AGPS: variants seen among roughly 807,000 people sequenced by gnomAD.
AGPS encodes the protein alkyldihydroxyacetonephosphate synthase, peroxisomal.
Under a neutral mutation model 90.7 loss-of-function variants are expected in AGPS, and 26 were observed. That is an observed-to-expected ratio of 0.29 (90% CI 0.21 to 0.40). The LOEUF (loss-of-function observed/expected upper bound fraction) is 0.40. Ranked by LOEUF, AGPS falls within the 10% of genes least tolerant of loss-of-function variation. AGPS has a pLI of 1.00. For missense variants in AGPS, 540 were observed against 816.1 expected (o/e 0.66, Z 4.12); for synonymous variants, 294 against 285.3 (o/e 1.03, Z -0.31).
chr2:177,518,879 C>T (rs750215915), intron 17 of AGPS, among the ~76,000 whole-genome samples: 13 of 151,858 alleles, frequency 8.6e-5, no homozygotes, highest in Non-Finnish European at 1.5e-4. Context: ...AGAAAATGGG[C>T]GCACATACTT....
chr2:177,494,928 CA>C (rs1366808864), intron 12 of AGPS, among the ~76,000 whole-genome samples: 1 of 152,144 alleles, frequency 6.6e-6, no homozygotes, highest in African/African-American at 2.4e-5. Context: ...CTTAGCACAA[CA>C]AAAGGTGCCC....
At chr2:177,453,587 G>A (rs1201565475) in intron 8 of AGPS, among the ~76,000 whole-genome samples, 4 of 150,864 alleles carry the variant, frequency 2.7e-5, no homozygotes, top group Non-Finnish European at 5.9e-5. Flanking sequence ...CAGACTTTAC[G>A]ACACTTAACT....
chr2:177,494,739 T>C (rs1421813444), intron 12 of AGPS, among the ~76,000 whole-genome samples: 1 of 152,216 alleles, frequency 6.6e-6, no homozygotes, highest in East Asian at 1.9e-4. Flanking sequence ...CTCTAGTCTT[T>C]ACTGTGTCTC....
intron 17 of AGPS, among the ~76,000 whole-genome samples, chr2:177,519,183 T>G (rs1249242047): frequency 6.6e-6 from 1 of 152,214 alleles, no homozygotes; most frequent in African/African-American, 2.4e-5. Flanking sequence ...AATCTTTTTG[T>G]TCATCTGGTT....
chr2:177,496,300 A>G (rs1223496802), intron 12 of AGPS, among the ~76,000 whole-genome samples: 2 of 152,184 alleles, frequency 1.3e-5, no homozygotes, highest in East Asian at 3.8e-4. Context: ...TCTGCCAAGA[A>G]CACAACATGC....
intron 9 of AGPS, among the ~76,000 whole-genome samples, chr2:177,464,161 G>A (rs1687380425): frequency 6.6e-6 from 1 of 152,062 alleles, no homozygotes; most frequent in Non-Finnish European, 1.5e-5. Flanking sequence ...GGCTGGTCTT[G>A]AACTCCTGAC....
chr2:177,476,693 A>G (rs948669384), intron 10 of AGPS, among the ~76,000 whole-genome samples: 31 of 152,094 alleles, frequency 2.0e-4, no homozygotes, highest in South Asian at 8.3e-4. Context: ...TTTATAGTGT[A>G]CAAGTCCTAT....
At chr2:177,436,099 G>C (rs1166315358) in intron 3 of AGPS, among the ~76,000 whole-genome samples, 1 of 139,578 alleles carries the variant, frequency 7.2e-6, no homozygotes, top group Admixed American at 7.3e-5. Context: ...GCTTTCTGTT[G>C]ATCACTTTAA....
intron 7 of AGPS, among the ~76,000 whole-genome samples, chr2:177,443,315 T>A (rs748104183): frequency 5.3e-5 from 8 of 152,228 alleles, no homozygotes; most frequent in Non-Finnish European, 7.3e-5. Context: ...TTGCTTTCCA[T>A]TGTAGCTCTT....
chr2:177,440,119 A>G (rs1686555394), intron 5 of AGPS, among the ~76,000 whole-genome samples: 3 of 152,140 alleles, frequency 2.0e-5, no homozygotes, highest in Admixed American at 6.5e-5. Context: ...TACATAGTCT[A>G]AGATATGTAA....
chr2:177,474,836 T>G (rs1332527924), intron 10 of AGPS, among the ~76,000 whole-genome samples: 1 of 152,244 alleles, frequency 6.6e-6, no homozygotes. Flanking sequence ...TGGTGTCCAA[T>G]TTTGTCTTTG....
chr2:177,436,914 T>C, intron 4 of AGPS, 30 bp downstream of exon 4: 1 of 1,611,376 alleles, frequency 6.2e-7, no homozygotes. Flanking sequence ...CCCTATTTAT[T>C]TTTAACAAAA....
intron 5 of AGPS, among the ~76,000 whole-genome samples, chr2:177,439,860 C>T (rs1425619220): frequency 6.6e-6 from 1 of 152,108 alleles, no homozygotes; most frequent in African/African-American, 2.4e-5. Flanking sequence ...TCCTTAAGAA[C>T]CTCCACTAAT....
intron 19 of AGPS, among the ~76,000 whole-genome samples, chr2:177,527,156 G>A (rs1041153968): frequency 1.3e-5 from 2 of 152,068 alleles, no homozygotes; most frequent in African/African-American, 2.4e-5. Flanking sequence ...GGCTGGGCAT[G>A]GGGGCTCACA....
chr2:177,522,876 A>G (rs1270526767), intron 18 of AGPS, among the ~76,000 whole-genome samples: 2 of 152,212 alleles, frequency 1.3e-5, no homozygotes, highest in East Asian at 3.8e-4. Flanking sequence ...TGAGAGGCCC[A>G]AGGTACTATA....
intron 9 of AGPS, among the ~76,000 whole-genome samples, chr2:177,462,865 G>T (rs1273021855): frequency 5.3e-5 from 8 of 152,112 alleles, no homozygotes; most frequent in Non-Finnish European, 1.0e-4. Flanking sequence ...TATCCTCGAA[G>T]GTCCTAGAAC....
intron 19 of AGPS, among the ~76,000 whole-genome samples, chr2:177,534,345 TC>T (rs1393836696): frequency 3.9e-5 from 6 of 152,158 alleles, no homozygotes; most frequent in Admixed American, 6.6e-5. Context: ...TCTCTTAGCA[TC>T]CAGGGGAATA....
At position 177,538,198 on chromosome 2, in the gene AGPS, C is replaced by T. The variant is rs762195351; in HGVS notation, c.*3C>T. Reference sequence around the variant, plus strand: ...TTGGAAACAGAAACCTTTTATAAATCCATTAGTACCATTACAAAAAAATGT... The same window carrying T: ...TTGGAAACAGAAACCTTTTATAAATTCATTAGTACCATTACAAAAAAATGT... On this transcript the variant is annotated 3_prime_UTR_variant, in exon 20 of 20. Transcript: ENST00000264167. 2 of 1,612,006 alleles carry T rather than the reference C, an allele frequency of 1.2e-6. No homozygotes were observed. The highest frequency in any genetic ancestry group is 1.7e-6 in the Non-Finnish European group (2 of 1,178,662).
chr2:177,420,539 A>G (rs1429880707), intron 2 of AGPS, among the ~76,000 whole-genome samples, 181 bp downstream of exon 2: 1 of 151,618 alleles, frequency 6.6e-6, no homozygotes, highest in Non-Finnish European at 1.5e-5. Flanking sequence ...GTCACCTCTA[A>G]ATATATGTAT....
Sources: gnomAD v4.1 joint callset for allele counts (sites outside exome capture counted in the v4.1 genomes callset) on GRCh38, gnomAD v4.1.1 for gene constraint, MANE v1.5 for transcripts, NCBI Gene and HGNC (gene_info 2026-07-23, HGNC 2026-07-21) for gene names.